The following PCDH15 variants were observed in gnomAD, a reference collection of about 807,000 sequenced individuals.
PCDH15 encodes the protein protocadherin-15.
A neutral mutation model predicts 178.5 loss-of-function variants in PCDH15; 129 were observed. The ratio of observed to expected loss-of-function variants is 0.72; its 90% CI spans 0.63 to 0.84. The LOEUF (loss-of-function observed/expected upper bound fraction) is 0.84, where lower values mean the gene tolerates loss of function less well. PCDH15 is among the 40% of genes least tolerant of loss of function. PCDH15 has a pLI of 0.00. For synonymous variants in PCDH15, 800 were observed against 732.0 expected (o/e 1.09, Z -1.50); for missense variants, 2,230 against 2,099.9 (o/e 1.06, Z -1.21).
intron 2 of PCDH15, among the ~76,000 whole-genome samples, chr10:55,144,329 A>T (rs76815949): frequency 0.031 from 4,769 of 152,126 alleles, 260 homozygotes; most frequent in African/African-American, 0.11. Context: ...AACAAGTCCT[A>T]GAGCTCAAAA....
chr10:54,082,540 C>T (rs767108310), intron 16 of PCDH15, among the ~76,000 whole-genome samples: 2 of 152,030 alleles, frequency 1.3e-5, no homozygotes, highest in Admixed American at 6.6e-5. Context: ...GAAATCTATA[C>T]GTAAAAGAAT....
intron 3 of PCDH15, among the ~76,000 whole-genome samples, chr10:54,421,314 T>A (rs962494881): frequency 1.3e-5 from 2 of 151,562 alleles, no homozygotes; most frequent in Non-Finnish European, 2.9e-5. Flanking sequence ...GACTCTGTAG[T>A]TTTTTTATTT....
intron 2 of PCDH15, among the ~76,000 whole-genome samples, chr10:54,614,970 T>C (rs2093083365): frequency 6.6e-6 from 1 of 152,058 alleles, no homozygotes; most frequent in Non-Finnish European, 1.5e-5. Flanking sequence ...CAGTAAATGG[T>C]AATTGTTTTT....
At chr10:55,250,739 C>T (rs1353526334) in intron 1 of PCDH15, among the ~76,000 whole-genome samples, 1 of 150,996 alleles carries the variant, frequency 6.6e-6, no homozygotes, top group African/African-American at 2.4e-5. Flanking sequence ...GTTTCACCAC[C>T]TTGGCCAGGC....
chr10:55,611,756 G>C (rs570900029), intron 2 of PCDH15, among the ~76,000 whole-genome samples: 2 of 151,954 alleles, frequency 1.3e-5, no homozygotes, highest in Non-Finnish European at 2.9e-5. Flanking sequence ...AACAATCTAA[G>C]TGCATATCAA....
chr10:55,309,197 A>G (rs939213849), intron 1 of PCDH15, among the ~76,000 whole-genome samples: 9 of 152,188 alleles, frequency 5.9e-5, no homozygotes, highest in Admixed American at 2.6e-4. Context: ...CAAGTTGTAT[A>G]ATATTCTCTA....
At chr10:55,093,061 A>G (rs895084780) in intron 2 of PCDH15, among the ~76,000 whole-genome samples, 1 of 152,108 alleles carries the variant, frequency 6.6e-6, no homozygotes, top group Non-Finnish European at 1.5e-5. Context: ...CAGATAAAAT[A>G]CCACTGAATC....
At chr10:55,441,914 G>T (rs980552402) in intron 2 of PCDH15, among the ~76,000 whole-genome samples, 4 of 151,480 alleles carry the variant, frequency 2.6e-5, no homozygotes, top group Non-Finnish European at 1.5e-5. Flanking sequence ...CACACAGAGA[G>T]CACAAGGCTA....
intron 26 of PCDH15, among the ~76,000 whole-genome samples, chr10:53,871,611 C>G (rs946798512): frequency 6.6e-6 from 1 of 151,972 alleles, no homozygotes; most frequent in East Asian, 1.9e-4. Context: ...TAAATTTATG[C>G]AATCAATTTA....
At chr10:54,213,854 A>G in intron 10 of PCDH15, 82 bp downstream of exon 10, 1 of 904,196 alleles carries the variant, frequency 1.1e-6, no homozygotes, top group African/African-American at 1.7e-5. Context: ...TTTATAACAT[A>G]AAACTGCCTA....
intron 2 of PCDH15, among the ~76,000 whole-genome samples, chr10:55,142,013 T>C (rs1215958556): frequency 6.6e-6 from 1 of 152,248 alleles, no homozygotes; most frequent in East Asian, 1.9e-4. Flanking sequence ...CACATAAACA[T>C]AAAACTTCAT....
intron 3 of PCDH15, among the ~76,000 whole-genome samples, chr10:54,404,251 G>A (rs1214795668): frequency 6.6e-6 from 1 of 151,796 alleles, no homozygotes; most frequent in Non-Finnish European, 1.5e-5. Context: ...GGAAGCATCT[G>A]GCTACCCAAC....
At chr10:54,064,057 G>C (rs1181320650) in intron 18 of PCDH15, among the ~76,000 whole-genome samples, 1 of 152,148 alleles carries the variant, frequency 6.6e-6, no homozygotes, top group Non-Finnish European at 1.5e-5. Flanking sequence ...GGAAGAATGA[G>C]GTACGCGCAC....
chr10:54,575,640 C>A (rs558726292), intron 2 of PCDH15, among the ~76,000 whole-genome samples: 28 of 150,266 alleles, frequency 1.9e-4, no homozygotes, highest in Admixed American at 1.7e-3. Flanking sequence ...TGGGCTTACT[C>A]TACAGTGCAG....
intron 2 of PCDH15, among the ~76,000 whole-genome samples, chr10:54,949,498 T>A (rs1013425202): frequency 2.0e-5 from 3 of 151,928 alleles, no homozygotes; most frequent in Non-Finnish European, 4.4e-5. Context: ...CTGGAGACAT[T>A]TTCCCCATCA....
intron 9 of PCDH15, among the ~76,000 whole-genome samples, chr10:54,224,691 G>C (rs978389300): frequency 1.5e-4 from 23 of 151,930 alleles, no homozygotes; most frequent in African/African-American, 5.6e-4. Context: ...TTTGTATCAA[G>C]TTATCCCTAG....
intron 2 of PCDH15, among the ~76,000 whole-genome samples, chr10:55,357,042 G>A (rs1340366553): frequency 6.6e-6 from 1 of 151,944 alleles, no homozygotes; most frequent in Non-Finnish European, 1.5e-5. Flanking sequence ...GAAAATATGT[G>A]TAGAGAAAAT....
intron 2 of PCDH15, among the ~76,000 whole-genome samples, chr10:55,327,025 T>C (rs1375800615): frequency 6.6e-6 from 1 of 152,134 alleles, no homozygotes; most frequent in Admixed American, 6.6e-5. Context: ...TGCTGTGGAA[T>C]GACTGTTTAT....
At chr10:53,928,656 T>C (rs2084784389) in intron 25 of PCDH15, among the ~76,000 whole-genome samples, 1 of 152,056 alleles carries the variant, frequency 6.6e-6, no homozygotes, top group Non-Finnish European at 1.5e-5. Flanking sequence ...CATAGTTTCA[T>C]TTGCATTTAA....
Sources: gnomAD v4.1 joint callset for allele counts (sites outside exome capture counted in the v4.1 genomes callset) on GRCh38, gnomAD v4.1.1 for gene constraint, MANE v1.5 for transcripts, NCBI Gene and HGNC (gene_info 2026-07-23, HGNC 2026-07-21) for gene names.